The following MECOM variants were observed in gnomAD, a reference collection of about 807,000 sequenced individuals.
MECOM encodes histone-lysine N-methyltransferase MECOM.
MECOM carries 13 observed loss-of-function variants against 116.3 expected under a neutral mutation model. That is an observed-to-expected ratio of 0.11 (90% confidence interval 0.07 to 0.18). The LOEUF is 0.18. Ranked by LOEUF, MECOM falls within the 10% of genes least tolerant of loss-of-function variation. The pLI is 1.00. For missense variants in MECOM, 1,299 were observed against 1,509.0 expected, an observed-to-expected ratio of 0.86 and a Z score of 2.31; for synonymous variants, 528 against 535.2, an observed-to-expected ratio of 0.99 and a Z score of 0.19.
chr3:169,622,666 C>G (rs1770896841), intron 1 of MECOM, among the ~76,000 whole-genome samples: 1 of 152,180 alleles, frequency 6.6e-6, no homozygotes, highest in African/African-American at 2.4e-5. Flanking sequence ...TAGCTAATAT[C>G]AGTGGGAGTT....
chr3:169,348,443 C>T (rs1269223629), intron 2 of MECOM, among the ~76,000 whole-genome samples: 1 of 151,856 alleles, frequency 6.6e-6, no homozygotes, highest in Non-Finnish European at 1.5e-5. Context: ...AGCCAAGATC[C>T]ACCAGCCCTG....
chr3:169,234,986 C>A (rs556993015), intron 2 of MECOM, among the ~76,000 whole-genome samples: 2 of 152,318 alleles, frequency 1.3e-5, no homozygotes, highest in Non-Finnish European at 2.9e-5. Flanking sequence ...CCCTTCAGGG[C>A]TTGCCCTTAG....
intron 1 of MECOM, among the ~76,000 whole-genome samples, chr3:169,582,142 G>T (rs1765188519): frequency 6.6e-6 from 1 of 152,188 alleles, no homozygotes; most frequent in Non-Finnish European, 1.5e-5. Context: ...GAATGTGTAG[G>T]ATAATGCATA....
At chr3:169,109,066 C>A (rs1726416237) in intron 9 of MECOM, among the ~76,000 whole-genome samples, 1 of 152,106 alleles carries the variant, frequency 6.6e-6, no homozygotes, top group South Asian at 2.1e-4. Flanking sequence ...CATGGATGTT[C>A]AAATGGGCTA....
chr3:169,370,320 G>A (rs183108979), intron 2 of MECOM, among the ~76,000 whole-genome samples: 200 of 151,772 alleles, frequency 1.3e-3, no homozygotes, highest in Non-Finnish European at 1.8e-3. Flanking sequence ...AATATCTAAC[G>A]CCAAAAAATA....
intron 1 of MECOM, among the ~76,000 whole-genome samples, chr3:169,410,505 A>G (rs1208584517): frequency 1.3e-5 from 2 of 152,182 alleles, no homozygotes; most frequent in African/African-American, 2.4e-5. Context: ...GAGGCCTATG[A>G]CAATATCTCA....
intron 5 of MECOM, among the ~76,000 whole-genome samples, chr3:169,127,065 T>C (rs1733108720): frequency 2.6e-5 from 4 of 152,074 alleles, no homozygotes; most frequent in Admixed American, 2.6e-4. Context: ...GCAAAAATCA[T>C]TAGGTAGAAA....
chr3:169,305,474 T>C (rs1040494312), intron 2 of MECOM, among the ~76,000 whole-genome samples: 2 of 152,084 alleles, frequency 1.3e-5, no homozygotes, highest in Non-Finnish European at 2.9e-5. Flanking sequence ...ACCAGATATC[T>C]AAGTTCCAAA....
At chr3:169,323,920 G>C (rs572884098) in intron 2 of MECOM, among the ~76,000 whole-genome samples, 1 of 152,206 alleles carries the variant, frequency 6.6e-6, no homozygotes, top group African/African-American at 2.4e-5. Flanking sequence ...GAGGAAAAAA[G>C]CCTCCTTGGC....
intron 2 of MECOM, among the ~76,000 whole-genome samples, chr3:169,188,069 A>G (rs1261084138): frequency 6.6e-6 from 1 of 152,110 alleles, no homozygotes; most frequent in African/African-American, 2.4e-5. Context: ...GAAGGGATCT[A>G]CTTAGATTCC....
Position 169,116,096 on chromosome 3 carries a change from G to A in MECOM, c.1776C>T (p.Asp592=). Residue 592 remains aspartate (D), a synonymous_variant, in exon 8 of 17, where the codon GAC becomes GAT. Coordinates refer to ENST00000651503, the MANE Select transcript of MECOM (RefSeq NM_004991.4). ...LDDVSTPSGS[D]LETTSGSDLE... The stretch of plus-strand genomic sequence containing the variant: ...GATCAGAGCCCGAGGTTGTTTCCAG[G>A]TCACTGCCACTTGGTGTACTGACAT... 3 of 1,614,042 alleles carry A rather than the reference G, an allele frequency of 1.9e-6. No individual in the cohort carries two copies. Among genetic ancestry groups the A allele is most frequent in the Non-Finnish European group, 2.5e-6 (3 of 1,180,010 alleles).
chr3:169,378,450 A>AGAGCG (rs1418481241), intron 2 of MECOM, among the ~76,000 whole-genome samples: 1 of 54,114 alleles, frequency 1.8e-5, no homozygotes, highest in African/African-American at 1.3e-4. Context: ...AGAAAGAAAG[A>AGAGCG]AGGAAAGCAA....
chr3:169,163,965 C>T (rs912375615), intron 2 of MECOM, among the ~76,000 whole-genome samples: 5 of 152,054 alleles, frequency 3.3e-5, no homozygotes, highest in African/African-American at 1.2e-4. Flanking sequence ...TAAATGGAGG[C>T]CAGCGAAGCA....
chr3:169,444,436 T>G (rs138563013), intron 1 of MECOM, among the ~76,000 whole-genome samples: 251 of 152,298 alleles, frequency 1.6e-3, no homozygotes, highest in African/African-American at 5.9e-3. Context: ...ATTCTCGTGA[T>G]AGTGAATAAG....
chr3:169,316,109 T>C (rs2149740756), intron 2 of MECOM, among the ~76,000 whole-genome samples: 1 of 152,332 alleles, frequency 6.6e-6, no homozygotes, highest in Admixed American at 6.5e-5. Context: ...CAATAATGTT[T>C]AAGGCCAGGA....
intron 1 of MECOM, among the ~76,000 whole-genome samples, chr3:169,395,611 ATT>A (rs1218362559): frequency 6.6e-6 from 1 of 152,154 alleles, no homozygotes; most frequent in East Asian, 1.9e-4. Flanking sequence ...TTTCAAACAA[ATT>A]TGTTTTTCTT....
chr3:169,520,660 T>C (rs756030014), intron 1 of MECOM, among the ~76,000 whole-genome samples: 3 of 152,222 alleles, frequency 2.0e-5, no homozygotes, highest in Non-Finnish European at 4.4e-5. Flanking sequence ...CATTTCTCAT[T>C]TTGGTTCTTT....
chr3:169,647,287 A>G (rs1360234634), intron 1 of MECOM, among the ~76,000 whole-genome samples: 1 of 152,242 alleles, frequency 6.6e-6, no homozygotes, highest in Non-Finnish European at 1.5e-5. Context: ...AGCTAAGACA[A>G]TAATATCATC....
chr3:169,546,511 C>T (rs2109267716), intron 1 of MECOM, among the ~76,000 whole-genome samples: 1 of 152,324 alleles, frequency 6.6e-6, no homozygotes, highest in Non-Finnish European at 1.5e-5. Context: ...AGTGACTGGT[C>T]CAATGTACAC....
Sources: allele counts gnomAD v4.1 joint callset (sites outside exome capture counted in the v4.1 genomes callset), GRCh38; gene constraint gnomAD v4.1.1; transcripts MANE v1.5; gene names NCBI Gene and HGNC (gene_info 2026-07-23, HGNC 2026-07-21).